C10orf67: variants seen among roughly 807,000 people sequenced by gnomAD.
C10orf67 encodes the protein uncharacterized protein C10orf67, mitochondrial.
Under a neutral mutation model 35.6 loss-of-function variants are expected in C10orf67, and 60 were observed. The ratio of observed to expected loss-of-function variants is 1.68; its 90% CI spans 1.37 to 2.09. The LOEUF is 2.09. C10orf67 is among the 30% of genes most tolerant of loss of function. C10orf67 has a pLI of 0.00. For missense variants in C10orf67, 474 were observed against 330.2 expected (o/e 1.44, Z -3.38); for synonymous variants, 167 against 115.8 (o/e 1.44, Z -2.84).
At chr10:23,244,583 T>A (rs569398646) in intron 12 of C10orf67, among the ~76,000 whole-genome samples, 41 of 152,270 alleles carry the variant, frequency 2.7e-4, no homozygotes, top group Middle Eastern at 6.8e-3. Flanking sequence ...AGAAATTTTT[T>A]AAAAAATTCC....
At chr10:23,267,878 G>A (rs1842923462) in intron 8 of C10orf67, among the ~76,000 whole-genome samples, 1 of 151,542 alleles carries the variant, frequency 6.6e-6, no homozygotes, top group Admixed American at 6.6e-5. Flanking sequence ...TCCAGCCTGG[G>A]CAACAAGAGT....
intron 2 of C10orf67, among the ~76,000 whole-genome samples, chr10:23,323,934 T>C (rs1440596282): frequency 3.8e-3 from 245 of 63,708 alleles, no homozygotes; most frequent in Non-Finnish European, 7.2e-3. Context: ...TATATATATA[T>C]ATATATATAT....
At chr10:23,248,289 G>C (rs1188670658) in intron 12 of C10orf67, among the ~76,000 whole-genome samples, 1 of 152,196 alleles carries the variant, frequency 6.6e-6, no homozygotes, top group Non-Finnish European at 1.5e-5. Context: ...AGCCTGGTAG[G>C]GATATGTTCC....
Position 23,331,903 on chromosome 10 carries a change from T to C in C10orf67, c.327+1159A>G, listed in dbSNP as rs547710382. Among the ~76,000 whole-genome samples, 6 of 152,298 alleles carry C rather than the reference T, an allele frequency of 3.9e-5. No homozygotes were observed. The South Asian group carries it at 1.0e-3, about 26-fold the overall frequency. On this transcript the variant is annotated intron_variant, in intron 2 of 15. Transcript: ENST00000636213. Reference sequence around the variant, plus strand: ...TACGAAAGAATAAAATTATAAAATGTTTCTGAAAGTATAAAAGAAGACAAT... The same window carrying C: ...TACGAAAGAATAAAATTATAAAATGCTTCTGAAAGTATAAAAGAAGACAAT...
chr10:23,231,150 C>T (rs565975658), intron 13 of C10orf67, among the ~76,000 whole-genome samples: 7 of 152,204 alleles, frequency 4.6e-5, no homozygotes, highest in Admixed American at 4.6e-4. Context: ...CAGAGTCTCA[C>T]TTTGTTGCCC....
intron 1 of C10orf67, among the ~76,000 whole-genome samples, chr10:23,342,471 C>G (rs1486780937): frequency 6.6e-6 from 1 of 152,092 alleles, no homozygotes; most frequent in Non-Finnish European, 1.5e-5. Context: ...CGCCCTAGTA[C>G]TTTGGGTGAA....
chr10:23,315,881 C>T (rs888136233), intron 4 of C10orf67, among the ~76,000 whole-genome samples: 4 of 151,604 alleles, frequency 2.6e-5, no homozygotes, highest in African/African-American at 7.3e-5. Context: ...TATAGCAGCA[C>T]AATCATGGCT....
In C10orf67 at chr10:23,281,336, G is replaced by A. The variant is rs117347683; in HGVS notation, c.975+677C>T. On this transcript the variant is annotated intron_variant, in intron 8 of 15. Transcript: ENST00000636213. The stretch of plus-strand genomic sequence containing the variant: ...CTGAAGTGGTGTTGATTTCCTATGA[G>A]CAACCTTTTCTCTTCCAAACAGTAT... Among the ~76,000 whole-genome samples, 11 of 152,270 alleles carry A rather than the reference G, an allele frequency of 7.2e-5. No homozygotes were observed. The East Asian group carries it at 2.1e-3, about 29-fold the overall frequency.
At chr10:23,334,424 T>C (rs929813149) in intron 1 of C10orf67, among the ~76,000 whole-genome samples, 1 of 152,232 alleles carries the variant, frequency 6.6e-6, no homozygotes, top group Admixed American at 6.5e-5. Flanking sequence ...CAAGTAGAAT[T>C]ATCAGACTTC....
At chr10:23,218,307 ATT>A (rs371926193) in intron 15 of C10orf67, among the ~76,000 whole-genome samples, 25 of 119,094 alleles carry the variant, frequency 2.1e-4, no homozygotes, top group African/African-American at 4.7e-4. Flanking sequence ...CACGAGGCTA[ATT>A]TTTTTTTTTT....
chr10:23,291,715 G>A lies in C10orf67; in HGVS notation c.703-436C>T, dbSNP rs991231655. 1.1e-4 allele frequency among the ~76,000 whole-genome samples: 16 copies of A among 152,154 alleles called. 1 individual carries two copies. The highest frequency in any genetic ancestry group is 4.6e-4 in the Admixed American group (7 of 15,278). On this transcript the variant is annotated intron_variant, in intron 5 of 15. Coordinates refer to ENST00000636213, the MANE Select transcript of C10orf67 (RefSeq NM_001371909.1). The stretch of plus-strand genomic sequence containing the variant: ...GCATGGCTAAGGAGGGGGGCTTGTT[G>A]CCTTTGTGGCATTTCCCAGTGTCAG...
chr10:23,267,175 G>GA lies in C10orf67; in HGVS notation c.1035+19dup. ...ACAAAATAAAAGAGAAAGAGAGAGA[G>GA]AAAAAACTTAAATACAAACCTTTAC... On this transcript the variant is annotated intron_variant, in intron 9 of 15. Coordinates refer to ENST00000636213, the MANE Select transcript of C10orf67 (RefSeq NM_001371909.1). The GA allele has an allele frequency of 4.3e-6, 3 of 704,466 alleles. No individual in the cohort carries two copies. Among genetic ancestry groups the GA allele is most frequent in the Non-Finnish European group, 7.9e-6 (3 of 381,716 alleles). 43.6% of individuals were successfully genotyped at this position (704,466 alleles called of 1,614,324 possible). A position where few individuals can be genotyped will look rare whatever the true frequency, so the allele number is the denominator to read the frequency against.
At chr10:23,211,833 A>C (rs1841317716) in intron 15 of C10orf67, among the ~76,000 whole-genome samples, 1 of 152,058 alleles carries the variant, frequency 6.6e-6, no homozygotes, top group Non-Finnish European at 1.5e-5. Flanking sequence ...ATGATTTAGG[A>C]CTCCATATGG....
Position 23,344,740 on chromosome 10 carries a change from A to T in C10orf67, c.35T>A (p.Val12Asp), listed in dbSNP as rs1055623523. Residue 12 changes from valine (V) to aspartate (D), a missense_variant, in exon 1 of 16, where the codon GTC becomes GAC. Coordinates refer to ENST00000636213, the MANE Select transcript of C10orf67 (RefSeq NM_001371909.1). ...AACCCATCTAATAACTATGCTCATG[A>T]CATAATGAGCCCTGCGATCCCGGAC... is the stretch of plus-strand genomic sequence containing the variant. ...ALVRDRRAHYVMSIVIRWVHC... is the reference protein window; with the variant it reads ...ALVRDRRAHYDMSIVIRWVHC... The T allele has an allele frequency of 6.4e-7, 1 of 1,571,822 alleles. No individual in the cohort carries two copies.
intron 15 of C10orf67, among the ~76,000 whole-genome samples, chr10:23,219,220 C>A (rs1841511858): frequency 6.6e-6 from 1 of 152,212 alleles, no homozygotes; most frequent in Non-Finnish European, 1.5e-5. Flanking sequence ...GAATTAACAA[C>A]ACAATGTAAT....
intron 12 of C10orf67, among the ~76,000 whole-genome samples, chr10:23,248,238 G>A (rs1291599908): frequency 6.6e-6 from 1 of 152,210 alleles, no homozygotes; most frequent in Non-Finnish European, 1.5e-5. Context: ...GTGGATTGCC[G>A]CCTGGGGTGG....
chr10:23,223,597 C>T lies in C10orf67; in HGVS notation c.1570+1G>A, dbSNP rs1331507316. 2 of 717,250 alleles carry T rather than the reference C, an allele frequency of 2.8e-6. No homozygotes were observed. Among genetic ancestry groups the T allele is most frequent in the African/African-American group, 3.5e-5 (2 of 57,208 alleles). 44.4% of individuals were successfully genotyped at this position (717,250 alleles called of 1,614,324 possible). ...TCATTTCCAACAATAATGATTCTTA[C>T]CTTTTGGTGAAAGTTGAAGGGCTGC... On this transcript the variant is annotated splice_donor_variant, in intron 15 of 15. Coordinates refer to ENST00000636213, the MANE Select transcript of C10orf67 (RefSeq NM_001371909.1). LOFTEE classifies it high-confidence loss of function.
chr10:23,332,532 A>G, intron 2 of C10orf67, among the ~76,000 whole-genome samples: 1 of 152,202 alleles, frequency 6.6e-6, no homozygotes, highest in East Asian at 1.9e-4. Context: ...AGCATACATA[A>G]AATTAGCTGG....
At chr10:23,215,973 G>A (rs931945161) in intron 15 of C10orf67, among the ~76,000 whole-genome samples, 2 of 152,102 alleles carry the variant, frequency 1.3e-5, no homozygotes, top group Non-Finnish European at 2.9e-5. Flanking sequence ...GAATAGCTAT[G>A]ACAAACCTAC....
Sources: allele counts gnomAD v4.1 joint callset (sites outside exome capture counted in the v4.1 genomes callset), GRCh38; gene constraint gnomAD v4.1.1; transcripts MANE v1.5; gene names NCBI Gene and HGNC (gene_info 2026-07-23, HGNC 2026-07-21).